MSI2: variants seen among roughly 807,000 people sequenced by gnomAD.
The protein encoded by MSI2 is RNA-binding protein Musashi homolog 2.
A neutral mutation model predicts 45.6 loss-of-function variants in MSI2; 17 were observed. That is an observed-to-expected ratio of 0.37 (90% CI 0.26 to 0.56). The LOEUF (loss-of-function observed/expected upper bound fraction) is 0.56, where lower values mean the gene tolerates loss of function less well. Among genes scored for constraint, MSI2 ranks in the 20% least tolerant of loss-of-function variants. The probability of loss-of-function intolerance (pLI) is 0.77; values close to 1 mark genes in which losing one functional copy is unlikely to be tolerated. For synonymous variants in MSI2, 156 were observed against 158.2 expected (o/e 0.99, Z 0.11); for missense variants, 293 against 444.2 (o/e 0.66, Z 3.06).
intron 6 of MSI2, among the ~76,000 whole-genome samples, chr17:57,517,372 A>G (rs2086490916): frequency 6.6e-6 from 1 of 152,224 alleles, no homozygotes; most frequent in African/African-American, 2.4e-5. Context: ...GATGCTATAC[A>G]GTTCGCAGAA....
chr17:57,540,577 G>A (rs1260526247), intron 7 of MSI2, among the ~76,000 whole-genome samples: 1 of 152,214 alleles, frequency 6.6e-6, no homozygotes, highest in Admixed American at 6.5e-5. Context: ...GGTCTTAGTG[G>A]AGTGAACTGA....
chr17:57,602,206 T>A (rs1407682801), intron 8 of MSI2, among the ~76,000 whole-genome samples: 1 of 152,144 alleles, frequency 6.6e-6, no homozygotes, highest in Non-Finnish European at 1.5e-5. Flanking sequence ...TATGAGATTT[T>A]TTTTTTAATT....
chr17:57,561,314 TGCAGTTGCGTCACC>T (rs2087568919), intron 7 of MSI2, among the ~76,000 whole-genome samples: 1 of 152,158 alleles, frequency 6.6e-6, no homozygotes, highest in Non-Finnish European at 1.5e-5. Context: ...ACACTGTATG[TGCAGTTGCGTCACC>T]CATGTCTCAG....
intron 5 of MSI2, among the ~76,000 whole-genome samples, chr17:57,331,609 G>A (rs568142901): frequency 3.3e-5 from 5 of 152,248 alleles, no homozygotes; most frequent in East Asian, 1.9e-4. Context: ...CAGTATAGAC[G>A]TGCATGGAAG....
At chr17:57,367,221 A>G (rs1333681874) in intron 5 of MSI2, among the ~76,000 whole-genome samples, 3 of 152,218 alleles carry the variant, frequency 2.0e-5, no homozygotes, top group South Asian at 2.1e-4. Flanking sequence ...AGCTACACTG[A>G]GGGGAATGGC....
intron 6 of MSI2, among the ~76,000 whole-genome samples, chr17:57,503,889 C>T (rs1362966429): frequency 2.6e-5 from 4 of 152,196 alleles, no homozygotes; most frequent in African/African-American, 7.2e-5. Context: ...GGACTACAGG[C>T]GTGCACCACG....
intron 5 of MSI2, among the ~76,000 whole-genome samples, chr17:57,323,664 C>T (rs1440780224): frequency 6.6e-6 from 1 of 152,254 alleles, no homozygotes; most frequent in Non-Finnish European, 1.5e-5. Flanking sequence ...GTCCTGTGGC[C>T]TCACCAGGGG....
intron 7 of MSI2, among the ~76,000 whole-genome samples, chr17:57,547,786 ACAC>A (rs2087204684): frequency 6.8e-6 from 1 of 147,152 alleles, no homozygotes; most frequent in Non-Finnish European, 1.5e-5. Context: ...ACACACACAC[ACAC>A]GTCTCTGGAG....
At chr17:57,565,393 C>T (rs1390696876) in intron 7 of MSI2, among the ~76,000 whole-genome samples, 1 of 152,232 alleles carries the variant, frequency 6.6e-6, no homozygotes, top group Non-Finnish European at 1.5e-5. Context: ...ACTCAGTGCT[C>T]CCGGAGGCTT....
rs145462502 is a variant in MSI2 at position 57,444,998 on chromosome 17, A to C, written c.405+43527A>C. Among the ~76,000 whole-genome samples, 125 of 152,244 alleles carry C rather than the reference A, an allele frequency of 8.2e-4. 1 individual carries two copies. Among genetic ancestry groups the C allele is most frequent in the Middle Eastern group, 3.4e-3 (1 of 294 alleles). On this transcript the variant is annotated intron_variant, in intron 6 of 13. Transcript: ENST00000284073. ...TTCCCCTTTTCTCCTCACAATGCTG[A>C]ATTTTTAAAAAGTGGAGTGTTAGCA...
chr17:57,688,745 ACT>A (rs1913930449), downstream of MSI2, among the ~76,000 whole-genome samples: 2 of 152,128 alleles, frequency 1.3e-5, no homozygotes, highest in South Asian at 4.1e-4. Context: ...AAAGGGGTAC[ACT>A]CTAGGTTGTT....
chr17:57,550,205 TTC>T (rs1181185265), intron 7 of MSI2, among the ~76,000 whole-genome samples: 1 of 152,134 alleles, frequency 6.6e-6, no homozygotes, highest in East Asian at 1.9e-4. Context: ...TGCAGAACTG[TTC>T]TTAGAGCTTG....
intron 6 of MSI2, among the ~76,000 whole-genome samples, chr17:57,498,000 T>C (rs2086016342): frequency 6.6e-6 from 1 of 152,142 alleles, no homozygotes; most frequent in Non-Finnish European, 1.5e-5. Flanking sequence ...AAAGGGAACA[T>C]GTGGGATTTT....
chr17:57,543,530 G>A (rs1329494152), intron 7 of MSI2, among the ~76,000 whole-genome samples: 1 of 152,100 alleles, frequency 6.6e-6, no homozygotes, highest in African/African-American at 2.4e-5. Context: ...TACAGATCGA[G>A]TTCTAAATTT....
At chr17:57,289,276 A>G (rs1368257813) in intron 5 of MSI2, among the ~76,000 whole-genome samples, 1 of 152,082 alleles carries the variant, frequency 6.6e-6, no homozygotes, top group African/African-American at 2.4e-5. Context: ...CAGCATCTCT[A>G]TAGAGCTTTT....
chr17:57,332,899 C>A (rs975222276), intron 5 of MSI2, among the ~76,000 whole-genome samples: 2 of 152,152 alleles, frequency 1.3e-5, no homozygotes, highest in African/African-American at 4.8e-5. Flanking sequence ...GTGGCACACA[C>A]CTGTAGTCCC....
Position 57,258,286 on chromosome 17 carries a change from A to G in MSI2, c.202A>G (p.Thr68Ala). The G allele has an allele frequency of 6.2e-7, 1 of 1,614,140 alleles. No individual in the cohort carries two copies. The highest frequency in any genetic ancestry group is 1.1e-5 in the South Asian group (1 of 91,078). ...TCCTTTCAGAGGCTTCGGTTTCGTC[A>G]CGTTCGCAGACCCAGCAAGTGTAGA... ...TKRSRGFGFV[T>A]FADPASVDKV... The change falls in exon 4 of 14, where the codon ACG becomes GCG. Residue 68 changes from threonine (T) to alanine (A), a missense_variant. Transcript: ENST00000284073.
chr17:57,419,367 C>CTT (rs11465030), intron 6 of MSI2, among the ~76,000 whole-genome samples: 112 of 146,140 alleles, frequency 7.7e-4, no homozygotes, highest in African/African-American at 2.8e-3. Flanking sequence ...TTACATTTTT[C>CTT]TTTTTTTTTT....
At chr17:57,325,801 T>C (rs1179596765) in intron 5 of MSI2, among the ~76,000 whole-genome samples, 1 of 152,218 alleles carries the variant, frequency 6.6e-6, no homozygotes, top group Admixed American at 6.5e-5. Context: ...CCCATACGGA[T>C]GCCTGCCGTA....
Sources: gnomAD v4.1 joint callset for allele counts (sites outside exome capture counted in the v4.1 genomes callset) on GRCh38, gnomAD v4.1.1 for gene constraint, MANE v1.5 for transcripts, NCBI Gene and HGNC (gene_info 2026-07-23, HGNC 2026-07-21) for gene names.